PCNX2: variants seen among roughly 807,000 people sequenced by gnomAD.
The protein encoded by PCNX2 is pecanex-like protein 2.
A neutral mutation model predicts 223.8 loss-of-function variants in PCNX2; 168 were observed. The ratio of observed to expected loss-of-function variants is 0.75; its 90% CI spans 0.66 to 0.85. PCNX2 has a LOEUF of 0.85. PCNX2 is among the 40% of genes least tolerant of loss of function. PCNX2 has a pLI of 0.00. For missense variants in PCNX2, 2,507 were observed against 2,675.5 expected (o/e 0.94, Z 1.39); for synonymous variants, 1,006 against 1,052.6 (o/e 0.96, Z 0.86).
At chr1:233,135,381 C>T (rs1182180123) in intron 20 of PCNX2, among the ~76,000 whole-genome samples, 191 bp from the exon 21 acceptor site, 1 of 152,184 alleles carries the variant, frequency 6.6e-6, no homozygotes, top group Non-Finnish European at 1.5e-5. Flanking sequence ...ATTTGAGGAA[C>T]TTGTCTAAGG....
At chr1:233,260,807 CAA>C (rs889194197) in intron 4 of PCNX2, among the ~76,000 whole-genome samples, 5 of 114,202 alleles carry the variant, frequency 4.4e-5, no homozygotes, top group Admixed American at 3.5e-4. Context: ...AGTCAAAAGA[CAA>C]AAAAAAAAAA....
At chr1:233,118,739 A>G (rs1675575376) in intron 21 of PCNX2, among the ~76,000 whole-genome samples, 1 of 152,330 alleles carries the variant, frequency 6.6e-6, no homozygotes, top group African/African-American at 2.4e-5. Context: ...TGGCTACTGT[A>G]GTTACAGATT....
chr1:233,263,919 C>T (rs914493125), intron 1 of PCNX2, among the ~76,000 whole-genome samples: 1 of 152,284 alleles, frequency 6.6e-6, no homozygotes, highest in East Asian at 1.9e-4. Context: ...ACCACTCCCC[C>T]ATTCCCCTCC....
At chr1:233,060,537 A>G (rs961534108) in intron 23 of PCNX2, among the ~76,000 whole-genome samples, 2 of 152,212 alleles carry the variant, frequency 1.3e-5, no homozygotes, top group Non-Finnish European at 2.9e-5. Context: ...AAGAGGGTGG[A>G]CTGTCAGCCA....
chr1:233,087,140 C>T, intron 23 of PCNX2: 3 of 985,432 alleles, frequency 3.0e-6, no homozygotes, highest in Non-Finnish European at 3.6e-6. Flanking sequence ...TTATTTATCA[C>T]TTCCTTGAAG....
intron 17 of PCNX2, among the ~76,000 whole-genome samples, chr1:233,165,422 C>T (rs1678732560): frequency 6.6e-6 from 1 of 152,070 alleles, no homozygotes; most frequent in Admixed American, 6.5e-5. Context: ...GCCAAACATC[C>T]TACAATGCAC....
intron 28 of PCNX2, among the ~76,000 whole-genome samples, chr1:233,004,190 C>A (rs114335859): frequency 5.9e-4 from 89 of 151,788 alleles, no homozygotes; most frequent in African/African-American, 2.0e-3. Context: ...GGCCAACACT[C>A]GATTATATAA....
intron 13 of PCNX2, 117 bp from the exon 14 acceptor site, chr1:233,200,381 A>AAATT: frequency 2.3e-6 from 1 of 429,188 alleles, no homozygotes; most frequent in Non-Finnish European, 3.8e-6. Flanking sequence ...ACTGGAGGCA[A>AAATT]TCTTTTTTTT....
intron 21 of PCNX2, among the ~76,000 whole-genome samples, chr1:233,106,544 G>C (rs1430697180): frequency 6.6e-6 from 1 of 151,780 alleles, no homozygotes; most frequent in Non-Finnish European, 1.5e-5. Context: ...AGTAGAGACG[G>C]GGTTTCACCG....
At chr1:233,141,006 A>G (rs1373476610) in intron 19 of PCNX2, among the ~76,000 whole-genome samples, 2 of 151,968 alleles carry the variant, frequency 1.3e-5, no homozygotes, top group African/African-American at 4.8e-5. Flanking sequence ...ACTCCATTAC[A>G]CCTCTGGAAT....
chr1:233,102,488 T>C (rs2102961019), intron 21 of PCNX2, among the ~76,000 whole-genome samples: 1 of 152,252 alleles, frequency 6.6e-6, no homozygotes, highest in East Asian at 1.9e-4. Flanking sequence ...TTCATTCACT[T>C]TCCCGCCAAC....
intron 15 of PCNX2, among the ~76,000 whole-genome samples, chr1:233,190,030 A>G (rs1680329800): frequency 6.6e-6 from 1 of 152,232 alleles, no homozygotes; most frequent in Non-Finnish European, 1.5e-5. Flanking sequence ...TTAATATTCC[A>G]GAGGACAAAA....
upstream of PCNX2, among the ~76,000 whole-genome samples, chr1:233,296,002 C>T (rs1294350): frequency 0.78 from 105,269 of 134,176 alleles, 40,543 homozygotes; most frequent in South Asian, 0.82. Context: ...TTCTTTCTTT[C>T]TTTTTTTTTT....
At chr1:233,263,347 G>A (rs1660160509) in intron 1 of PCNX2, among the ~76,000 whole-genome samples, 184 bp from the exon 2 acceptor site, 1 of 151,922 alleles carries the variant, frequency 6.6e-6, no homozygotes, top group Admixed American at 6.6e-5. Context: ...ATTTTTTGAA[G>A]TCTTTTTTGT....
At chr1:233,218,246 C>CTT (rs372117818) in intron 10 of PCNX2, 62 bp from the exon 11 acceptor site, 4,498 of 494,040 alleles carry the variant, frequency 9.1e-3, no homozygotes, top group Middle Eastern at 0.014. Context: ...TAAGTTTTGC[C>CTT]TTTTTTTTTT....
chr1:233,067,403 A>AAAAAAAAAAAAAAAAAT (rs1364668469), intron 23 of PCNX2, among the ~76,000 whole-genome samples: 1 of 121,546 alleles, frequency 8.2e-6, no homozygotes, highest in Non-Finnish European at 1.7e-5. Flanking sequence ...AAAAAAAAAA[A>AAAAAAAAAAAAAAAAAT]AGCAAGACTT....
chr1:232,998,501 C>T, intron 31 of PCNX2, 63 bp from the exon 32 acceptor site: 1 of 1,551,758 alleles, frequency 6.4e-7, no homozygotes, highest in Non-Finnish European at 8.7e-7. Context: ...CCTAAATGCA[C>T]CACCATGGCC....
chr1:233,270,690 T>C (rs538192210), intron 1 of PCNX2, among the ~76,000 whole-genome samples: 9 of 152,322 alleles, frequency 5.9e-5, no homozygotes, highest in African/African-American at 2.2e-4. Flanking sequence ...TGACTTTTGT[T>C]GGGTTTGCTG....
chr1:233,101,929 T>C (rs774878652), intron 21 of PCNX2, among the ~76,000 whole-genome samples: 11 of 152,186 alleles, frequency 7.2e-5, no homozygotes, highest in Admixed American at 1.3e-4. Flanking sequence ...CTGTCATCCA[T>C]GATAAACCAA....
Sources: gnomAD v4.1 joint callset for allele counts (sites outside exome capture counted in the v4.1 genomes callset) on GRCh38, gnomAD v4.1.1 for gene constraint, MANE v1.5 for transcripts, NCBI Gene and HGNC (gene_info 2026-07-23, HGNC 2026-07-21) for gene names.